Variants in ZZZ3 observed in about 807,000 individuals in gnomAD.
ZZZ3 encodes the protein zinc finger ZZ-type containing 3, also known as ZZ-type zinc finger-containing protein 3.
Under a neutral mutation model 95.2 loss-of-function variants are expected in ZZZ3, and 22 were observed. The observed-to-expected ratio is 0.23, with a 90% CI of 0.17 to 0.33. ZZZ3 has a LOEUF of 0.33. Among genes scored for constraint, ZZZ3 ranks in the 10% least tolerant of loss-of-function variants. ZZZ3 has a pLI of 1.00. For missense variants in ZZZ3, 885 were observed against 1,066.5 expected (o/e 0.83, Z 2.37); for synonymous variants, 335 against 358.9 (o/e 0.93, Z 0.75).
chr1:77,661,234 G>A (rs1481535117), intron 1 of ZZZ3, among the ~76,000 whole-genome samples: 1 of 151,984 alleles, frequency 6.6e-6, no homozygotes, highest in East Asian at 1.9e-4. Context: ...CCAACATAGT[G>A]AAACCCCGTC....
chr1:77,628,186 T>G (rs980961933), intron 5 of ZZZ3, among the ~76,000 whole-genome samples: 4 of 152,326 alleles, frequency 2.6e-5, no homozygotes, highest in Middle Eastern at 3.4e-3. Context: ...TCTCATTCAG[T>G]GAGGCTATTT....
At chr1:77,682,031 GT>G (rs999376444) in intron 1 of ZZZ3, among the ~76,000 whole-genome samples, 4 of 152,090 alleles carry the variant, frequency 2.6e-5, no homozygotes, top group Non-Finnish European at 5.9e-5. Flanking sequence ...CGATAACTGA[GT>G]TAATAGGCAC....
At chr1:77,681,094 T>G (rs371641941) in intron 1 of ZZZ3, among the ~76,000 whole-genome samples, 1 of 152,174 alleles carries the variant, frequency 6.6e-6, no homozygotes, top group South Asian at 2.1e-4. Flanking sequence ...TGTTTACTGA[T>G]TGCCAATATT....
intron 4 of ZZZ3, among the ~76,000 whole-genome samples, chr1:77,635,520 G>A (rs1668214355): frequency 6.6e-6 from 1 of 152,184 alleles, no homozygotes; most frequent in Non-Finnish European, 1.5e-5. Flanking sequence ...ATTACAATCT[G>A]TTTCTTTCAT....
Position 77,565,533 on chromosome 1 carries a change from G to C in ZZZ3, c.*107C>G, listed in dbSNP as rs755772525. 30 of 1,239,936 alleles carry C rather than the reference G, an allele frequency of 2.4e-5. No homozygotes were observed. Among genetic ancestry groups the C allele is most frequent in the Non-Finnish European group, 3.2e-5 (28 of 877,384 alleles). The allele number at this position is 1,239,936 out of a possible 1,614,324, so 76.8% of individuals were successfully genotyped here. ...CACTCAGGAAGCTCTCATGCTGTGAGTGTCATTTCTGGGAAAGCAGAGAAT... is the reference window on the plus strand; with the variant it reads ...CACTCAGGAAGCTCTCATGCTGTGACTGTCATTTCTGGGAAAGCAGAGAAT... On this transcript the variant is annotated 3_prime_UTR_variant, in exon 15 of 15. Coordinates refer to ENST00000370801, the MANE Select transcript of ZZZ3 (RefSeq NM_015534.6).
At chr1:77,611,132 T>C (rs1665751228) in intron 5 of ZZZ3, among the ~76,000 whole-genome samples, 1 of 143,490 alleles carries the variant, frequency 7.0e-6, no homozygotes, top group African/African-American at 2.6e-5. Context: ...AGTTGCAGGA[T>C]ACAAAAATCA....
intron 5 of ZZZ3, among the ~76,000 whole-genome samples, chr1:77,589,336 T>C (rs887728891): frequency 6.6e-6 from 1 of 152,132 alleles, no homozygotes; most frequent in African/African-American, 2.4e-5. Context: ...TATAAAAACA[T>C]TTATATGAAA....
At chr1:77,653,120 G>A (rs1008074051) in intron 1 of ZZZ3, among the ~76,000 whole-genome samples, 3 of 152,184 alleles carry the variant, frequency 2.0e-5, no homozygotes, top group African/African-American at 7.2e-5. Context: ...CTGGGAGTTT[G>A]AGGCTGCAGT....
intron 1 of ZZZ3, among the ~76,000 whole-genome samples, chr1:77,669,460 T>TTC (rs200533780): frequency 0.024 from 3,673 of 150,184 alleles, 47 homozygotes; most frequent in Middle Eastern, 0.075. Flanking sequence ...CTCAGTTTTT[T>TTC]TTTTTTTTTT....
At chr1:77,651,048 T>C (rs1053807731) in intron 1 of ZZZ3, among the ~76,000 whole-genome samples, 2 of 152,220 alleles carry the variant, frequency 1.3e-5, no homozygotes, top group East Asian at 3.9e-4. Flanking sequence ...TATACAAAAA[T>C]TAACTTAGGA....
At chr1:77,617,314 C>A (rs1666411110) in intron 5 of ZZZ3, among the ~76,000 whole-genome samples, 1 of 152,180 alleles carries the variant, frequency 6.6e-6, no homozygotes, top group Non-Finnish European at 1.5e-5. Context: ...CCCCGACCCC[C>A]TGGGTAACCA....
At chr1:77,667,912 C>G (rs555478839) in intron 1 of ZZZ3, among the ~76,000 whole-genome samples, 1 of 151,724 alleles carries the variant, frequency 6.6e-6, no homozygotes, top group East Asian at 1.9e-4. Flanking sequence ...TTACATGCAC[C>G]TGCCACCACG....
Position 77,632,559 on chromosome 1 carries a change from C to A in ZZZ3, c.796G>T (p.Val266Leu), listed in dbSNP as rs761309590. The A allele has an allele frequency of 1.2e-6, 2 of 1,614,120 alleles. No homozygotes were observed. Among genetic ancestry groups the A allele is most frequent in the South Asian group, 1.1e-5 (1 of 91,082 alleles). ...RKEDSYIDHK[V>L]PCTDSQVQVK... The stretch of plus-strand genomic sequence containing the variant: ...TGCACTTGTGAATCTGTGCAAGGCA[C>A]CTTATGGTCTATATAACTGTCCTCC... The change falls in exon 5 of 15, where the codon GTG becomes TTG. Residue 266 changes from valine to leucine, a missense_variant. Coordinates refer to ENST00000370801, the MANE Select transcript of ZZZ3 (RefSeq NM_015534.6).
chr1:77,571,415 A>G (rs1661373151), intron 12 of ZZZ3, among the ~76,000 whole-genome samples: 1 of 152,240 alleles, frequency 6.6e-6, no homozygotes, highest in Non-Finnish European at 1.5e-5. Flanking sequence ...AAAATTTAGC[A>G]TAAAATTACC....
chr1:77,623,374 A>AC (rs931478009), intron 5 of ZZZ3, among the ~76,000 whole-genome samples: 1 of 152,216 alleles, frequency 6.6e-6, no homozygotes, highest in Non-Finnish European at 1.5e-5. Flanking sequence ...CTGCACACAC[A>AC]TAAGATGAGA....
At chr1:77,679,141 G>GT (rs1672525212) in intron 1 of ZZZ3, among the ~76,000 whole-genome samples, 1 of 152,102 alleles carries the variant, frequency 6.6e-6, no homozygotes, top group African/African-American at 2.4e-5. Flanking sequence ...ACTGAGAGTG[G>GT]TTTTCAGAGT....
intron 5 of ZZZ3, among the ~76,000 whole-genome samples, chr1:77,588,024 T>C (rs1663279433): frequency 6.6e-6 from 1 of 152,212 alleles, no homozygotes; most frequent in African/African-American, 2.4e-5. Flanking sequence ...TTTGTGTTAA[T>C]CAACTGTTTA....
intron 5 of ZZZ3, among the ~76,000 whole-genome samples, chr1:77,588,739 C>T (rs890158266): frequency 6.6e-6 from 1 of 152,038 alleles, no homozygotes; most frequent in Non-Finnish European, 1.5e-5. Context: ...CATATTTTTG[C>T]CTGGATAAAA....
chr1:77,611,629 T>C (rs993936416), intron 5 of ZZZ3, among the ~76,000 whole-genome samples: 3 of 152,004 alleles, frequency 2.0e-5, no homozygotes, highest in African/African-American at 7.2e-5. Context: ...AATAGGATGG[T>C]ACTGACATAA....
Sources: allele counts gnomAD v4.1 joint callset (sites outside exome capture counted in the v4.1 genomes callset), GRCh38; gene constraint gnomAD v4.1.1; transcripts MANE v1.5; gene names NCBI Gene and HGNC (gene_info 2026-07-23, HGNC 2026-07-21).